Variants in TBC1D2 observed in about 807,000 individuals in gnomAD.
The protein encoded by TBC1D2 is TBC1 domain family member 2A.
In TBC1D2, 58 loss-of-function variants were observed where a neutral mutation model predicts 91.1. The ratio of observed to expected loss-of-function variants is 0.64; its 90% confidence interval spans 0.52 to 0.79. The LOEUF is 0.79. TBC1D2 is among the 30% of genes least tolerant of loss of function. The pLI, the probability that TBC1D2 is intolerant of heterozygous loss-of-function variation, is 0.00. For synonymous variants in TBC1D2, 482 were observed against 511.5 expected, an observed-to-expected ratio of 0.94 and a Z score of 0.78; for missense variants, 1,080 against 1,208.3, an observed-to-expected ratio of 0.89 and a Z score of 1.57.
chr9:98,208,950 C>T lies in TBC1D2; in HGVS notation c.1868G>A (p.Arg623Gln), dbSNP rs761820400. The part of the protein sequence containing the change: ...VPSAELKQLL[R>Q]AGVPREHRPR... Reference sequence around the variant, plus strand: ...CCGGTGTTCACGGGGTACTCCTGCCCGCAGTAGCTGCTTGAGCTCGGCTGA... The same window carrying T: ...CCGGTGTTCACGGGGTACTCCTGCCTGCAGTAGCTGCTTGAGCTCGGCTGA... Residue 623 changes from arginine to glutamine, a missense_variant, in exon 9 of 13, where the codon CGG becomes CAG. Arg to Gln is a conservative substitution (Grantham distance 43, BLOSUM62 1). Coordinates refer to ENST00000465784, the MANE Select transcript of TBC1D2 (RefSeq NM_001267571.2). The T allele has an allele frequency of 8.1e-6, 13 of 1,614,086 alleles. No homozygotes were observed. Among genetic ancestry groups the T allele is most frequent in the East Asian group, 2.2e-5 (1 of 44,870 alleles).
At chr9:98,238,940 C>A (rs1173952874) in intron 3 of TBC1D2, among the ~76,000 whole-genome samples, 3 of 152,118 alleles carry the variant, frequency 2.0e-5, no homozygotes, top group Non-Finnish European at 4.4e-5. Context: ...CCAGGCTGGT[C>A]TCAAACTCCT....
Position 98,255,639 on chromosome 9 carries a change from T to A in TBC1D2, c.-98A>T. 2 of 1,350,414 alleles carry A rather than the reference T, an allele frequency of 1.5e-6. No individual in the cohort carries two copies. Among genetic ancestry groups the A allele is most frequent in the Non-Finnish European group, 1.9e-6 (2 of 1,050,878 alleles). 83.7% of individuals were successfully genotyped at this position (1,350,414 alleles called of 1,614,324 possible). ...GGGCAGCTTCCCAAAGGGAGACACC[T>A]GGGCGGGGGCGGGGCCGACGGCGAA... On this transcript the variant is annotated 5_prime_UTR_variant, in exon 1 of 13. Coordinates refer to ENST00000465784, the MANE Select transcript of TBC1D2 (RefSeq NM_001267571.2).
In TBC1D2 at chr9:98,255,174, T is replaced by C. The variant is rs756141228; in HGVS notation, c.368A>G (p.Lys123Arg). The C allele has an allele frequency of 6.2e-7, 1 of 1,601,338 alleles. No homozygotes were observed. The highest frequency in any genetic ancestry group is 8.5e-7 in the Non-Finnish European group (1 of 1,170,818). The change falls in exon 1 of 13, where the codon AAG (lysine) becomes AGG (arginine). Residue 123 changes from lysine to arginine, a missense_variant and splice_region_variant. By Grantham distance (26) the Lys-to-Arg change is conservative (BLOSUM62 2). Transcript: ENST00000465784. ...GAGAAAGTCGTTGCAGGAATTTACC[T>C]TCAGGGTAATAACCCGGCTGGGAGT... ...IKTPSRVITL[K>R]AATKQAMLYW...
intron 6 of TBC1D2, among the ~76,000 whole-genome samples, chr9:98,216,565 G>A (rs894911947): frequency 2.6e-5 from 4 of 152,340 alleles, no homozygotes; most frequent in South Asian, 2.1e-4. Context: ...CCCATGGCAG[G>A]TGCTCAGCAG....
In TBC1D2 at chr9:98,204,643, A is replaced by G. The variant is rs184306421; in HGVS notation, c.2151-1235T>C. Among the ~76,000 whole-genome samples the G allele has an allele frequency of 9.8e-5, 15 of 152,332 alleles. No homozygotes were observed. The East Asian group carries it at 2.9e-3, about 29-fold the overall frequency. ...ACATGGTTGAATCTCAAAAGAAAAA[A>G]GAAATATCCCTTCTCTTTCCCCAGT... On this transcript the variant is annotated intron_variant, in intron 9 of 12. Coordinates refer to ENST00000465784, the MANE Select transcript of TBC1D2 (RefSeq NM_001267571.2).
intron 6 of TBC1D2, among the ~76,000 whole-genome samples, chr9:98,213,880 T>C (rs1352995787): frequency 1.3e-5 from 2 of 152,222 alleles, no homozygotes; most frequent in East Asian, 1.9e-4. Context: ...TCTCTGAGTT[T>C]TCCTTTTGCA....
chr9:98,228,246 C>T lies in TBC1D2; in HGVS notation c.978+706G>A, dbSNP rs771145355. 6.6e-5 allele frequency among the ~76,000 whole-genome samples: 10 copies of T among 152,206 alleles called. No individual in the cohort carries two copies. Among genetic ancestry groups the T allele is most frequent in the South Asian group, 2.1e-4 (1 of 4,832 alleles). ...TTTTATCACTCTAAAGAGGGGCTCC[C>T]GCCCGGAGCTGCAGCCCTCTCACAT... On this transcript the variant is annotated intron_variant, in intron 5 of 12. Transcript: ENST00000465784. This position sits in a 1 kb window ranked among gnomAD's most constrained non-coding sequence, Gnocchi z 4.0.
At chr9:98,247,536 A>G (rs10818678) in intron 2 of TBC1D2, among the ~76,000 whole-genome samples, 34,175 of 151,872 alleles carry the variant, frequency 0.23, 3,990 homozygotes, top group Middle Eastern at 0.29. Context: ...AGACCATCCC[A>G]GGTAACACAG....
At chr9:98,222,047 C>T (rs1215553393) in intron 5 of TBC1D2, among the ~76,000 whole-genome samples, 1 of 152,184 alleles carries the variant, frequency 6.6e-6, no homozygotes, top group Admixed American at 6.5e-5. Context: ...TTTGTCACAG[C>T]AGCTGAACCC....
At chr9:98,245,337 G>A (rs1829742271) in intron 2 of TBC1D2, among the ~76,000 whole-genome samples, 1 of 152,222 alleles carries the variant, frequency 6.6e-6, no homozygotes, top group Non-Finnish European at 1.5e-5. Context: ...GGGAGGCTGA[G>A]CTGGGTGGGT....
At chr9:98,214,963 G>T (rs1167487776) in intron 6 of TBC1D2, among the ~76,000 whole-genome samples, 2 of 152,126 alleles carry the variant, frequency 1.3e-5, no homozygotes, top group Non-Finnish European at 2.9e-5. Flanking sequence ...AGGCTGAAAG[G>T]CTGTGCATCC....
rs1829083448 is a variant in TBC1D2 at position 98,220,960 on chromosome 9, T to G, written c.1247A>C (p.Gln416Pro). ...LLMDKNHAKQ[Q>P]VICKLSEKVT... ...CTTCTCAGAGAGCTTGCAGATGACC[T>G]GCTGCTTGGCGTGGTTCTTGTCCAT... Residue 416 changes from glutamine (Q) to proline (P), a missense_variant, in exon 6 of 13, where the codon CAG becomes CCG. Gln to Pro is a moderately conservative substitution (Grantham distance 76, BLOSUM62 -1). Coordinates refer to ENST00000465784, the MANE Select transcript of TBC1D2 (RefSeq NM_001267571.2). 6.2e-7 allele frequency: 1 copy of G among 1,614,202 alleles called. No individual in the cohort carries two copies. The highest frequency in any genetic ancestry group is 8.5e-7 in the Non-Finnish European group (1 of 1,180,026).
At chr9:98,217,139 G>A (rs990760039) in intron 6 of TBC1D2, among the ~76,000 whole-genome samples, 10 of 152,288 alleles carry the variant, frequency 6.6e-5, no homozygotes, top group African/African-American at 2.2e-4. Flanking sequence ...GGGTGGCGTC[G>A]GGCAGTACCT....
At chr9:98,222,978 C>T (rs1342177332) in intron 5 of TBC1D2, among the ~76,000 whole-genome samples, 2 of 152,250 alleles carry the variant, frequency 1.3e-5, no homozygotes, top group African/African-American at 4.8e-5. Flanking sequence ...TCCATCCATC[C>T]AACCTTTACC....
chr9:98,248,093 A>G (rs575175461), intron 2 of TBC1D2, among the ~76,000 whole-genome samples: 1 of 152,356 alleles, frequency 6.6e-6, no homozygotes, highest in South Asian at 2.1e-4. Flanking sequence ...GGCCAAAGTC[A>G]AAGCTAGCAG....
chr9:98,222,001 T>C (rs1187651878), intron 5 of TBC1D2, among the ~76,000 whole-genome samples: 1 of 152,216 alleles, frequency 6.6e-6, no homozygotes, highest in Non-Finnish European at 1.5e-5. Flanking sequence ...AGTGCTGGGA[T>C]TACAGGTATG....
chr9:98,204,173 C>T (rs991689098), intron 9 of TBC1D2, among the ~76,000 whole-genome samples: 6 of 152,130 alleles, frequency 3.9e-5, no homozygotes, highest in Non-Finnish European at 8.8e-5. Context: ...GCTCTCATCC[C>T]GGGCCAATCC....
At chr9:98,235,920 G>A (rs187151049) in intron 3 of TBC1D2, among the ~76,000 whole-genome samples, 22 of 151,732 alleles carry the variant, frequency 1.4e-4, no homozygotes, top group Admixed American at 1.4e-3. Flanking sequence ...CTGTAATCCC[G>A]GCTACTTGGG....
chr9:98,203,223 C>A, intron 10 of TBC1D2, 65 bp downstream of exon 10: 1 of 1,588,748 alleles, frequency 6.3e-7, no homozygotes, highest in Non-Finnish European at 8.6e-7. Flanking sequence ...GAGTCACAGG[C>A]TTCTAGGAAC....
Sources: gnomAD v4.1 joint callset for allele counts (sites outside exome capture counted in the v4.1 genomes callset) on GRCh38, gnomAD v4.1.1 for gene constraint, Gnocchi (gnomAD v3.1) non-coding constraint, MANE v1.5 for transcripts, NCBI Gene and HGNC (gene_info 2026-07-23, HGNC 2026-07-21) for gene names.